CDYL: variants seen among roughly 807,000 people sequenced by gnomAD.
The protein encoded by CDYL is chromodomain Y like, also known as chromodomain Y-like protein.
CDYL carries 8 observed loss-of-function variants against 47.3 expected under a neutral mutation model. The observed-to-expected ratio is 0.17, with a 90% CI of 0.10 to 0.31. The LOEUF (loss-of-function observed/expected upper bound fraction) is 0.31, where lower values mean the gene tolerates loss of function less well. Among genes scored for constraint, CDYL ranks in the 10% least tolerant of loss-of-function variants. CDYL has a pLI of 1.00. For missense variants in CDYL, 471 were observed against 701.4 expected (o/e 0.67, Z 3.71); for synonymous variants, 266 against 265.0 (o/e 1.00, Z -0.04).
intron 1 of CDYL, among the ~76,000 whole-genome samples, chr6:4,850,605 A>G (rs1045429133): frequency 2.8e-4 from 42 of 152,326 alleles, no homozygotes; most frequent in African/African-American, 1.0e-3. Context: ...ATAATGGTTC[A>G]GGAGAACTTT....
At chr6:4,792,039 C>T (rs1202028297) in intron 1 of CDYL, among the ~76,000 whole-genome samples, 6 of 150,462 alleles carry the variant, frequency 4.0e-5, no homozygotes, top group African/African-American at 9.9e-5. Context: ...CCTACCACCA[C>T]GCCCGGCTAA....
chr6:4,860,383 G>A (rs1244866558), intron 1 of CDYL, among the ~76,000 whole-genome samples: 1 of 151,530 alleles, frequency 6.6e-6, no homozygotes, highest in Non-Finnish European at 1.5e-5. Context: ...CTACTATGGT[G>A]AAGCTCCTGA....
chr6:4,797,134 A>C lies in CDYL; in HGVS notation c.24+20327A>C, dbSNP rs370896761. On this transcript the variant is annotated intron_variant, in intron 1 of 6. Transcript: ENST00000397588. The stretch of plus-strand genomic sequence containing the variant: ...TATTTGACATGTATCTAGAATTTTT[A>C]ATTCTTTTCAGTGTACCAAAAATGA... Among the ~76,000 whole-genome samples, 58 of 152,206 alleles carry C rather than the reference A, an allele frequency of 3.8e-4. No individual in the cohort carries two copies. The East Asian group carries it at 4.8e-3, about 13-fold the overall frequency.
At chr6:4,717,064 C>CA (rs1757278540) in intron 2 of CDYL, among the ~76,000 whole-genome samples, 2 of 152,080 alleles carry the variant, frequency 1.3e-5, no homozygotes, top group Non-Finnish European at 2.9e-5. Flanking sequence ...CATGAGCAGG[C>CA]AGTGGGAACC....
intron 2 of CDYL, among the ~76,000 whole-genome samples, chr6:4,902,517 TCCCAATGCAGCTGTG>T (rs1164809978): frequency 2.6e-5 from 4 of 152,062 alleles, no homozygotes; most frequent in Admixed American, 1.3e-4. Context: ...ACAGTCATCC[TCCCAATGCAGCTGTG>T]CCCAAGATGC....
chr6:4,734,924 C>G, intron 3 of CDYL: 1 of 1,579,610 alleles, frequency 6.3e-7, no homozygotes, highest in Non-Finnish European at 8.6e-7. Flanking sequence ...CCCCACACCA[C>G]ACTCTCCCTT....
intron 3 of CDYL, among the ~76,000 whole-genome samples, chr6:4,737,158 C>T (rs1368371452): frequency 6.6e-6 from 1 of 152,070 alleles, no homozygotes; most frequent in Non-Finnish European, 1.5e-5. Flanking sequence ...TGATGAAAAA[C>T]AAGTTGTAAA....
At chr6:4,761,525 A>G (rs1407937001) in intron 3 of CDYL, among the ~76,000 whole-genome samples, 3 of 151,128 alleles carry the variant, frequency 2.0e-5, no homozygotes, top group African/African-American at 7.3e-5. Context: ...TCTATTTTTA[A>G]TAGAGACAGG....
Position 4,954,668 on chromosome 6 carries a change from A to G in CDYL, c.*612A>G, listed in dbSNP as rs1581300626. On this transcript the variant is annotated 3_prime_UTR_variant, in exon 7 of 7. Coordinates refer to ENST00000397588, the MANE Select transcript of CDYL (RefSeq NM_004824.4). ...CAAACCAGACATATGCTTAGGATTC[A>G]TGCTGAGATATCAATTGGTTTCCCC... 6.5e-6 allele frequency: 1 copy of G among 152,706 alleles called. No homozygotes were observed. Among genetic ancestry groups the G allele is most frequent in the South Asian group, 2.1e-4 (1 of 4,832 alleles). 9.5% of individuals were successfully genotyped at this position (152,706 alleles called of 1,614,324 possible).
chr6:4,939,486 A>C (rs2127522513), intron 4 of CDYL, among the ~76,000 whole-genome samples: 2 of 152,368 alleles, frequency 1.3e-5, no homozygotes, highest in South Asian at 4.1e-4. Flanking sequence ...CATATGATGT[A>C]CACATGTATT....
intron 1 of CDYL, among the ~76,000 whole-genome samples, chr6:4,845,064 AT>A (rs1419724907): frequency 2.0e-5 from 3 of 152,208 alleles, no homozygotes; most frequent in Non-Finnish European, 4.4e-5. Flanking sequence ...CACTTACTGA[AT>A]TTCAAAATTA....
intron 1 of CDYL, among the ~76,000 whole-genome samples, chr6:4,787,266 A>G (rs6918380): frequency 0.095 from 14,495 of 152,112 alleles, 826 homozygotes; most frequent in South Asian, 0.25. Context: ...GGGAGGTGCT[A>G]ACTAGACTGA....
chr6:4,847,252 G>A (rs1181961447), intron 1 of CDYL, among the ~76,000 whole-genome samples: 1 of 152,156 alleles, frequency 6.6e-6, no homozygotes, highest in Non-Finnish European at 1.5e-5. Context: ...TTGAGTCTCT[G>A]TGCATCTCAT....
intron 1 of CDYL, among the ~76,000 whole-genome samples, chr6:4,708,310 C>T (rs1346262811): frequency 2.6e-5 from 4 of 152,136 alleles, no homozygotes; most frequent in East Asian, 3.9e-4. Flanking sequence ...ACTACAGGTC[C>T]GTGCCACCAT....
chr6:4,770,263 G>T (rs1286579664), intron 3 of CDYL, among the ~76,000 whole-genome samples: 1 of 152,096 alleles, frequency 6.6e-6, no homozygotes, highest in African/African-American at 2.4e-5. Context: ...TGGTCAATAA[G>T]TATTTATTGA....
chr6:4,708,726 G>A (rs1757092953), intron 1 of CDYL, among the ~76,000 whole-genome samples: 1 of 152,078 alleles, frequency 6.6e-6, no homozygotes, highest in Non-Finnish European at 1.5e-5. Flanking sequence ...CACCACTAAG[G>A]TCAAGAAATA....
At chr6:4,783,285 C>T (rs1321788668) in intron 1 of CDYL, among the ~76,000 whole-genome samples, 1 of 147,538 alleles carries the variant, frequency 6.8e-6, no homozygotes, top group African/African-American at 2.5e-5. Flanking sequence ...CTGGACATGT[C>T]TTTATTTTGC....
chr6:4,727,684 T>A (rs1757540081), intron 2 of CDYL, among the ~76,000 whole-genome samples: 2 of 151,222 alleles, frequency 1.3e-5, no homozygotes, highest in African/African-American at 4.9e-5. Context: ...ATGGATTCTG[T>A]TTCTTGAATT....
chr6:4,955,478 A>G lies in CDYL; in HGVS notation c.*1422A>G, dbSNP rs1365151926. Reference sequence around the variant, plus strand: ...ACTATATATAAACTGTACAATCTGTAAAGTTTTTATAGAATAAATATTCAG... The same window carrying G: ...ACTATATATAAACTGTACAATCTGTGAAGTTTTTATAGAATAAATATTCAG... On this transcript the variant is annotated 3_prime_UTR_variant, in exon 7 of 7. Transcript: ENST00000397588. 1 of 152,682 alleles carries G rather than the reference A, an allele frequency of 6.5e-6. No homozygotes were observed. The highest frequency in any genetic ancestry group is 2.4e-5 in the African/African-American group (1 of 41,458). The allele number at this position is 152,682 out of a possible 1,614,324, so 9.5% of individuals were successfully genotyped here. A position where few individuals can be genotyped will look rare whatever the true frequency, so the allele number is the denominator to read the frequency against.
Sources: gnomAD v4.1 joint callset for allele counts (sites outside exome capture counted in the v4.1 genomes callset) on GRCh38, gnomAD v4.1.1 for gene constraint, MANE v1.5 for transcripts, NCBI Gene and HGNC (gene_info 2026-07-23, HGNC 2026-07-21) for gene names.